The following CDKAL1 variants were observed in gnomAD, a reference collection of about 807,000 sequenced individuals.
CDKAL1 encodes the protein threonylcarbamoyladenosine tRNA methylthiotransferase.
A neutral mutation model predicts 68.2 loss-of-function variants in CDKAL1; 32 were observed. The ratio of observed to expected loss-of-function variants is 0.47; its 90% confidence interval spans 0.35 to 0.63. CDKAL1 has a LOEUF of 0.63. Among genes scored for constraint, CDKAL1 ranks in the 30% least tolerant of loss-of-function variants. CDKAL1 has a pLI of 0.00. For synonymous variants in CDKAL1, 234 were observed against 244.3 expected (o/e 0.96, Z 0.39); for missense variants, 606 against 696.7 (o/e 0.87, Z 1.47).
intron 8 of CDKAL1, among the ~76,000 whole-genome samples, chr6:20,823,609 CAT>C (rs1404296070): frequency 2.0e-5 from 3 of 152,068 alleles, no homozygotes; most frequent in Non-Finnish European, 4.4e-5. Flanking sequence ...GAAAATAAAA[CAT>C]AAAAAATGTT....
intron 2 of CDKAL1, among the ~76,000 whole-genome samples, chr6:20,543,637 T>C (rs1763471136): frequency 6.6e-6 from 1 of 152,132 alleles, no homozygotes; most frequent in Non-Finnish European, 1.5e-5. Context: ...GATTGTGCTT[T>C]TGGTGTCACA....
intron 9 of CDKAL1, among the ~76,000 whole-genome samples, chr6:20,898,766 C>A (rs890711752): frequency 2.0e-5 from 3 of 151,968 alleles, no homozygotes; most frequent in Admixed American, 6.6e-5. Context: ...TTTATTTTTA[C>A]ATATAAAATT....
At chr6:21,154,863 C>T (rs947475494) in intron 13 of CDKAL1, among the ~76,000 whole-genome samples, 5 of 152,044 alleles carry the variant, frequency 3.3e-5, no homozygotes, top group African/African-American at 9.7e-5. Flanking sequence ...TGTGGTGGCA[C>T]ACACCTGTAA....
intron 7 of CDKAL1, among the ~76,000 whole-genome samples, chr6:20,761,744 G>A (rs1473770060): frequency 2.6e-5 from 4 of 152,194 alleles, no homozygotes; most frequent in African/African-American, 9.6e-5. Context: ...AAACGGATCA[G>A]TTGGTGTCAG....
rs1330757783 is a variant in CDKAL1 at position 20,593,936 on chromosome 6, CCAGAGTCATTCAGGAG to C, written c.286+45235_286+45250del. 1.7e-4 allele frequency among the ~76,000 whole-genome samples: 26 copies of C among 152,202 alleles called. 1 individual carries two copies. In the East Asian group the frequency reaches 5.0e-3, roughly 29 times the overall value. On this transcript the variant is annotated intron_variant, in intron 4 of 15. Coordinates refer to ENST00000274695, the MANE Select transcript of CDKAL1 (RefSeq NM_017774.3). ...TTTCTGCCTTAATTTTGTTATTTAC[CCAGAGTCATTCAGGAG>C]CAGGTTGTTCAGTTTCCACGTAGTT...
rs556220978 is a variant in CDKAL1 at position 20,799,675 on chromosome 6, G to A, written c.638+18410G>A. 6 of 152,260 alleles carry A rather than the reference G, an allele frequency of 3.9e-5. No individual in the cohort carries two copies. The East Asian group carries it at 1.2e-3, about 29-fold the overall frequency. The allele number at this position is 152,260 out of a possible 1,614,324, so 9.4% of individuals were successfully genotyped here. A position where few individuals can be genotyped will look rare whatever the true frequency, so the allele number is the denominator to read the frequency against. On this transcript the variant is annotated intron_variant, in intron 8 of 15. Transcript: ENST00000274695. ...TTTCAGTAGTATTGTATTGCTACTG[G>A]AGGTAGGATTGGGCCAAGGTGGAAT...
chr6:20,561,510 G>A (rs933639910), intron 4 of CDKAL1, among the ~76,000 whole-genome samples: 1 of 144,632 alleles, frequency 6.9e-6, no homozygotes, highest in African/African-American at 2.6e-5. Context: ...AAGCCAGACT[G>A]TAAAACCAAC....
intron 4 of CDKAL1, among the ~76,000 whole-genome samples, chr6:20,576,400 G>A (rs764709494): frequency 5.3e-5 from 8 of 152,110 alleles, no homozygotes; most frequent in Non-Finnish European, 1.2e-4. Context: ...GCAAGATGGC[G>A]TGACTCCTGG....
chr6:20,592,951 G>A (rs1258981543), intron 4 of CDKAL1, among the ~76,000 whole-genome samples: 1 of 152,178 alleles, frequency 6.6e-6, no homozygotes, highest in Non-Finnish European at 1.5e-5. Flanking sequence ...CATTGGTTCT[G>A]TTTATGTGAT....
intron 11 of CDKAL1, among the ~76,000 whole-genome samples, chr6:21,041,322 A>G (rs987317143): frequency 6.6e-6 from 1 of 152,236 alleles, no homozygotes. Context: ...TTGAAATAAT[A>G]TAATTGCTTT....
Position 20,822,951 on chromosome 6 carries a change from G to A in CDKAL1, c.639-23124G>A, listed in dbSNP as rs1777347884. ...CACTCAGTGTGTTTAAAATTTTTCT[G>A]TGAATCTTGGATAAATTAAATACAA... On this transcript the variant is annotated intron_variant, in intron 8 of 15. Transcript: ENST00000274695. Among the ~76,000 whole-genome samples, 6 of 152,110 alleles carry A rather than the reference G, an allele frequency of 3.9e-5. No homozygotes were observed. In the South Asian group the frequency reaches 1.2e-3, roughly 32 times the overall value.
At chr6:21,118,953 G>A (rs1013419704) in intron 13 of CDKAL1, among the ~76,000 whole-genome samples, 40 of 152,152 alleles carry the variant, frequency 2.6e-4, no homozygotes, top group Admixed American at 2.6e-3. Flanking sequence ...TAGGCTTTGC[G>A]GGTGGCAGTG....
At chr6:20,598,155 C>T (rs1335595596) in intron 4 of CDKAL1, among the ~76,000 whole-genome samples, 1 of 152,114 alleles carries the variant, frequency 6.6e-6, no homozygotes, top group East Asian at 1.9e-4. Flanking sequence ...ATGGGAGCCA[C>T]GGAAAGCTGT....
chr6:20,862,121 A>C (rs1759663738), intron 9 of CDKAL1, among the ~76,000 whole-genome samples: 1 of 152,218 alleles, frequency 6.6e-6, no homozygotes, highest in South Asian at 2.1e-4. Flanking sequence ...TTTTCCATGA[A>C]ACTCAATATG....
intron 5 of CDKAL1, among the ~76,000 whole-genome samples, chr6:20,684,723 G>A (rs941153716): frequency 2.0e-5 from 3 of 152,154 alleles, no homozygotes; most frequent in South Asian, 4.2e-4. Context: ...TAAGAGGTTC[G>A]TAGTGGTATC....
chr6:20,769,862 A>G (rs1013099218), intron 7 of CDKAL1, among the ~76,000 whole-genome samples: 11 of 152,178 alleles, frequency 7.2e-5, no homozygotes, highest in African/African-American at 2.4e-4. Flanking sequence ...GCAGTGTACT[A>G]TAATTTGAAA....
intron 10 of CDKAL1, among the ~76,000 whole-genome samples, chr6:20,977,343 A>AG (rs1238525883): frequency 6.6e-6 from 1 of 152,232 alleles, no homozygotes; most frequent in Non-Finnish European, 1.5e-5. Context: ...ACTTTGGTAC[A>AG]GTTTAGTTAA....
At chr6:21,140,796 C>G (rs1775862026) in intron 13 of CDKAL1, among the ~76,000 whole-genome samples, 1 of 152,164 alleles carries the variant, frequency 6.6e-6, no homozygotes. Flanking sequence ...CGTTTTCAGG[C>G]TGCTGATAAA....
chr6:20,861,726 G>T (rs138495016), intron 9 of CDKAL1, among the ~76,000 whole-genome samples: 3 of 152,204 alleles, frequency 2.0e-5, no homozygotes, highest in African/African-American at 7.2e-5. Context: ...GGTTTGATAA[G>T]CACTTGTGTG....
Sources: allele counts gnomAD v4.1 joint callset (sites outside exome capture counted in the v4.1 genomes callset), GRCh38; gene constraint gnomAD v4.1.1; transcripts MANE v1.5; gene names NCBI Gene and HGNC (gene_info 2026-07-23, HGNC 2026-07-21).